Variants in GABRA3 observed in about 807,000 individuals in gnomAD.
GABRA3 encodes the protein gamma-aminobutyric acid receptor subunit alpha-3.
A neutral mutation model predicts 30.1 loss-of-function variants in GABRA3; 10 were observed. The ratio of observed to expected loss-of-function variants is 0.33; its 90% CI spans 0.20 to 0.56. The LOEUF is 0.56. GABRA3 is among the 20% of genes least tolerant of loss of function. The probability of loss-of-function intolerance (pLI) is 0.89; values close to 1 mark genes in which losing one functional copy is unlikely to be tolerated. For synonymous variants in GABRA3, 151 were observed against 146.8 expected (o/e 1.03, Z -0.21); for missense variants, 233 against 392.0 (o/e 0.59, Z 3.42).
intron 3 of GABRA3, among the ~76,000 whole-genome samples, chrX:152,308,122 C>A (rs1470722003): frequency 8.9e-6 from 1 of 112,561 alleles, no homozygotes; most frequent in African/African-American, 3.2e-5. Context: ...GGGTCCCTGC[C>A]TGGCTGCACC....
chrX:152,183,113 G>A (rs1937207047), intron 9 of GABRA3, among the ~76,000 whole-genome samples: 1 of 108,639 alleles, frequency 9.2e-6, no homozygotes, highest in African/African-American at 3.3e-5. Context: ...TCAATTTTTT[G>A]GAAGAATTTG....
chrX:152,296,501 T>C (rs1939530479), intron 3 of GABRA3, among the ~76,000 whole-genome samples: 2 of 111,517 alleles, frequency 1.8e-5, no homozygotes, highest in Non-Finnish European at 3.8e-5. Flanking sequence ...CAAAAGATTG[T>C]ATCAGAAGTC....
intron 6 of GABRA3, among the ~76,000 whole-genome samples, chrX:152,208,790 T>G (rs1451899239): frequency 1.8e-5 from 2 of 111,810 alleles, no homozygotes; most frequent in East Asian, 2.8e-4. Flanking sequence ...CCTTTCACCA[T>G]GAGTAAAAGC....
chrX:152,387,125 C>T (rs1454546715), intron 1 of GABRA3, among the ~76,000 whole-genome samples: 1 of 93,543 alleles, frequency 1.1e-5, no homozygotes, highest in Non-Finnish European at 2.1e-5. Context: ...GGAAGGGGAA[C>T]ATCACACTCT....
intron 7 of GABRA3, among the ~76,000 whole-genome samples, chrX:152,198,770 C>G (rs1382556682): frequency 8.9e-6 from 1 of 112,027 alleles, no homozygotes; most frequent in East Asian, 2.8e-4. Context: ...GCTGGCAATT[C>G]TCATCCAGCC....
At chrX:152,208,681 G>T (rs1937602132) in intron 6 of GABRA3, among the ~76,000 whole-genome samples, 1 of 111,381 alleles carries the variant, frequency 9.0e-6, no homozygotes, top group Non-Finnish European at 1.9e-5. Context: ...GTGAATTCTT[G>T]CTGTATTAGT....
intron 6 of GABRA3, among the ~76,000 whole-genome samples, chrX:152,221,893 C>T (rs1937847657): frequency 9.0e-6 from 1 of 111,374 alleles, no homozygotes; most frequent in South Asian, 3.8e-4. Flanking sequence ...TCCAAAAACC[C>T]CAGTGTGTGG....
intron 4 of GABRA3, among the ~76,000 whole-genome samples, chrX:152,258,196 G>A (rs1938670103): frequency 8.9e-6 from 1 of 111,848 alleles, no homozygotes; most frequent in South Asian, 3.7e-4. Flanking sequence ...GTTATGAGGG[G>A]AAGGGAGAAA....
chrX:152,423,008 ATAAAT>A lies in GABRA3; in HGVS notation c.-27+28133_-27+28137del, dbSNP rs201704714. On this transcript the variant is annotated intron_variant, in intron 1 of 9. Coordinates refer to ENST00000370314, the MANE Select transcript of GABRA3 (RefSeq NM_000808.4). ...GTACATTTTTCATTTGTCAATTAAA[ATAAAT>A]TAAAAACTTGTCAAGCTTAAGGTTT... Among the ~76,000 whole-genome samples the A allele has an allele frequency of 1.9e-3, 209 of 112,351 alleles. 2 individuals carry two copies. The East Asian group carries it at 0.053, about 29-fold the overall frequency.
intron 5 of GABRA3, among the ~76,000 whole-genome samples, chrX:152,250,337 G>A (rs889073111): frequency 1.8e-5 from 2 of 111,293 alleles, no homozygotes; most frequent in African/African-American, 6.5e-5. Context: ...AGATATTCCA[G>A]AACTTTAAAC....
chrX:152,319,361 T>C (rs1276579459), intron 3 of GABRA3, among the ~76,000 whole-genome samples: 1 of 111,798 alleles, frequency 8.9e-6, no homozygotes, highest in Non-Finnish European at 1.9e-5. Context: ...AACAGCATGG[T>C]ACTGGTATAA....
At chrX:152,398,916 G>A (rs1280150430) in intron 1 of GABRA3, among the ~76,000 whole-genome samples, 1 of 112,002 alleles carries the variant, frequency 8.9e-6, no homozygotes, top group East Asian at 2.8e-4. Context: ...CAAGATGTGT[G>A]TGGAGATAGT....
chrX:152,293,590 CAACAATAAT>C (rs769652115), intron 3 of GABRA3, among the ~76,000 whole-genome samples: 220 of 111,441 alleles, frequency 2.0e-3, no homozygotes, highest in African/African-American at 2.9e-3. Flanking sequence ...ATTACAATAA[CAACAATAAT>C]AACAATAATA....
chrX:152,255,686 G>A (rs1193223067), intron 5 of GABRA3, 92 bp downstream of exon 5: 2 of 755,146 alleles, frequency 2.6e-6, no homozygotes, highest in African/African-American at 4.1e-5. Context: ...CTATACACTT[G>A]AGGGAATTTT....
At chrX:152,353,184 G>A (rs1157161274) in intron 2 of GABRA3, among the ~76,000 whole-genome samples, 1 of 111,378 alleles carries the variant, frequency 9.0e-6, no homozygotes, top group East Asian at 2.8e-4. Flanking sequence ...AACTACAGAG[G>A]TACTGACTTG....
intron 1 of GABRA3, among the ~76,000 whole-genome samples, chrX:152,369,639 G>A (rs1928774990): frequency 9.0e-6 from 1 of 110,863 alleles, no homozygotes; most frequent in Non-Finnish European, 1.9e-5. Context: ...TTTTCATTGA[G>A]GGCTTCCCTG....
intron 3 of GABRA3, among the ~76,000 whole-genome samples, chrX:152,328,174 C>G (rs992788755): frequency 9.0e-6 from 1 of 111,343 alleles, no homozygotes; most frequent in Non-Finnish European, 1.9e-5. Context: ...CTGAATAGAC[C>G]AATAACAGGC....
intron 7 of GABRA3, 23 bp downstream of exon 7, chrX:152,207,978 G>A: frequency 8.4e-7 from 1 of 1,196,782 alleles, no homozygotes; most frequent in Non-Finnish European, 1.1e-6. Flanking sequence ...AGAAATGTTT[G>A]TTAAATAAAA....
At chrX:152,269,893 G>A in intron 4 of GABRA3, among the ~76,000 whole-genome samples, 1 of 111,979 alleles carries the variant, frequency 8.9e-6, no homozygotes, top group South Asian at 3.7e-4. Flanking sequence ...GAAACTACTG[G>A]AAGAAAACAT....
Sources: gnomAD v4.1 joint callset for allele counts (sites outside exome capture counted in the v4.1 genomes callset) on GRCh38, gnomAD v4.1.1 for gene constraint, MANE v1.5 for transcripts, NCBI Gene and HGNC (gene_info 2026-07-23, HGNC 2026-07-21) for gene names.